TPO: variants seen among roughly 807,000 people sequenced by gnomAD.
The protein encoded by TPO is thyroid peroxidase.
A neutral mutation model predicts 96.9 loss-of-function variants in TPO; 78 were observed. The observed-to-expected ratio is 0.81, with a 90% CI of 0.67 to 0.97. The LOEUF is 0.97. TPO is among the 50% of genes least tolerant of loss of function. The pLI is 0.00. For synonymous variants in TPO, 547 were observed against 538.0 expected (o/e 1.02, Z -0.23); for missense variants, 1,252 against 1,274.8 (o/e 0.98, Z 0.27).
At chr2:1,510,306 C>G (rs1174891340) in intron 14 of TPO, among the ~76,000 whole-genome samples, 1 of 152,218 alleles carries the variant, frequency 6.6e-6, no homozygotes, top group African/African-American at 2.4e-5. Flanking sequence ...ATTCAGAACC[C>G]TGCTCAGGTG....
chr2:1,516,638 A>T (rs1050122093), intron 14 of TPO, among the ~76,000 whole-genome samples: 1 of 152,186 alleles, frequency 6.6e-6, no homozygotes, highest in Admixed American at 6.5e-5. Flanking sequence ...GTGAGGTTCC[A>T]TAGAGAGAGC....
chr2:1,484,064 A>C (rs1670888415), intron 8 of TPO, among the ~76,000 whole-genome samples: 2 of 152,306 alleles, frequency 1.3e-5, no homozygotes, highest in Non-Finnish European at 2.9e-5. Flanking sequence ...TGAAAGAAAC[A>C]CTGTTAAACC....
At chr2:1,519,979 G>A (rs2048727) in intron 15 of TPO, among the ~76,000 whole-genome samples, 49,456 of 152,020 alleles carry the variant, frequency 0.33, 8,312 homozygotes, top group South Asian at 0.38. Flanking sequence ...CTAAAAATAC[G>A]CTACCAAGCA....
At chr2:1,504,567 G>A (rs971216635) in intron 14 of TPO, among the ~76,000 whole-genome samples, 76 of 152,318 alleles carry the variant, frequency 5.0e-4, no homozygotes, top group Middle Eastern at 3.4e-3. Context: ...CATCTGCCTC[G>A]GATGGCCTTG....
rs114048133 is a variant in TPO at position 1,474,049 on chromosome 2, C to A, written c.820-3037C>A. On this transcript the variant is annotated intron_variant, in intron 7 of 16. Transcript: ENST00000329066. ...GGTCTAACTGAGATAGTACTAAGTACCAACAATGATAGCGGGAGTTTCTGC... is the reference window on the plus strand; with the variant it reads ...GGTCTAACTGAGATAGTACTAAGTAACAACAATGATAGCGGGAGTTTCTGC... Among the ~76,000 whole-genome samples, 753 of 152,230 alleles carry A rather than the reference C, an allele frequency of 4.9e-3. 11 individuals are homozygous for A. Among genetic ancestry groups the A allele is most frequent in the African/African-American group, 0.017 (692 of 41,532 alleles).
intron 5 of TPO, among the ~76,000 whole-genome samples, chr2:1,447,882 TATG>T (rs1666964302): frequency 6.6e-6 from 1 of 152,140 alleles, no homozygotes; most frequent in Non-Finnish European, 1.5e-5. Flanking sequence ...TGTATACAAT[TATG>T]AGAGAGAGGG....
chr2:1,461,674 GCA>G (rs1668446882), intron 7 of TPO, among the ~76,000 whole-genome samples: 2 of 152,050 alleles, frequency 1.3e-5, no homozygotes, highest in Admixed American at 1.3e-4. Flanking sequence ...ACGCCCTTGT[GCA>G]CACACACGCA....
In TPO at chr2:1,415,659, C is replaced by A. The variant is rs150192433; in HGVS notation, c.94+1157C>A. ...GTCCCGGAGCCCCTGGAGCAGGTGA[C>A]ACCTTGCCGGGCAGGTCCCTGGGTC... On this transcript the variant is annotated intron_variant, in intron 2 of 16. Transcript: ENST00000329066. 6.4e-3 allele frequency among the ~76,000 whole-genome samples: 964 copies of A among 151,766 alleles called. 10 individuals carry two copies. The highest frequency in any genetic ancestry group is 0.022 in the African/African-American group (911 of 41,216).
At chr2:1,450,346 A>G (rs1667197794) in intron 5 of TPO, among the ~76,000 whole-genome samples, 1 of 152,172 alleles carries the variant, frequency 6.6e-6, no homozygotes. Context: ...CAGAAATCAC[A>G]AAGTCTCCAG....
chr2:1,388,860 C>T (rs553376152), intron 1 of TPO, among the ~76,000 whole-genome samples: 44 of 152,194 alleles, frequency 2.9e-4, no homozygotes, highest in African/African-American at 9.2e-4. Flanking sequence ...AACTGCCCGA[C>T]GTTAATCATC....
At chr2:1,390,158 A>AT (rs1661978375) in intron 1 of TPO, among the ~76,000 whole-genome samples, 1 of 128,772 alleles carries the variant, frequency 7.8e-6, no homozygotes, top group Admixed American at 6.9e-5. Flanking sequence ...TCCTAATGCT[A>AT]TCCCCCCCCA....
chr2:1,489,967 G>A (rs1021325620), intron 10 of TPO, among the ~76,000 whole-genome samples: 7 of 115,024 alleles, frequency 6.1e-5, no homozygotes, highest in Non-Finnish European at 9.9e-5. Context: ...GAGCCGCCAC[G>A]TGGGTCCCAC....
intron 13 of TPO, among the ~76,000 whole-genome samples, chr2:1,502,136 A>G (rs1672931671): frequency 6.6e-6 from 1 of 152,080 alleles, no homozygotes; most frequent in South Asian, 2.1e-4. Context: ...CACGATCATG[A>G]TGGAAACACT....
chr2:1,485,675 C>A (rs1366211651), intron 9 of TPO, among the ~76,000 whole-genome samples: 1 of 151,792 alleles, frequency 6.6e-6, no homozygotes, highest in African/African-American at 2.4e-5. Flanking sequence ...AACATTTTTT[C>A]ATGTGTCTGT....
chr2:1,458,797 T>C (rs1291663259), intron 7 of TPO, among the ~76,000 whole-genome samples: 1 of 152,236 alleles, frequency 6.6e-6, no homozygotes, highest in African/African-American at 2.4e-5. Flanking sequence ...AGAAATGTAA[T>C]TGTTTACAAC....
In TPO at chr2:1,477,579, G is replaced by T; in HGVS notation, c.1313G>T (p.Arg438Leu). ...GCGGACGCCGTGTACCAGGAGGCGCGCAAGGTCGTGGGCGCTCTGCACCAG... is the reference window on the plus strand; with the variant it reads ...GCGGACGCCGTGTACCAGGAGGCGCTCAAGGTCGTGGGCGCTCTGCACCAG... ...WSADAVYQEA[R>L]KVVGALHQII... is the part of the protein sequence containing the mutation. The change falls in exon 8 of 17, where the codon CGC (arginine) becomes CTC (leucine). Residue 438 changes from arginine (R) to leucine (L), a missense_variant. Physicochemically the swap from Arg to Leu is moderately radical, Grantham distance 102 (BLOSUM62 -2). Coordinates refer to ENST00000329066, the MANE Select transcript of TPO (RefSeq NM_001206744.2). 3 of 1,536,424 alleles carry T rather than the reference G, an allele frequency of 2.0e-6. No individual in the cohort carries two copies. Among genetic ancestry groups the T allele is most frequent in the East Asian group, 2.4e-5 (1 of 41,146 alleles).
At chr2:1,432,796 T>TGAGGCCTGCAGGTGAGGA (rs1395356859) in intron 3 of TPO, among the ~76,000 whole-genome samples, 14 of 56,554 alleles carry the variant, frequency 2.5e-4, no homozygotes, top group East Asian at 9.9e-4. Context: ...GCAGGTGGGG[T>TGAGGCCTGCAGGTGAGGA]GAGGCCTGCA....
intron 1 of TPO, among the ~76,000 whole-genome samples, chr2:1,376,676 C>T (rs1398702938): frequency 6.6e-6 from 1 of 152,168 alleles, no homozygotes; most frequent in East Asian, 1.9e-4. Context: ...CTCCACCTCC[C>T]AGACCCATGA....
chr2:1,532,947 TCCTCAAA>T (rs1678657510), intron 15 of TPO, among the ~76,000 whole-genome samples: 1 of 104,140 alleles, frequency 9.6e-6, no homozygotes. Context: ...ATGTGCAACC[TCCTCAAA>T]TCCCCCCACT....
Sources: gnomAD v4.1 joint callset for allele counts (sites outside exome capture counted in the v4.1 genomes callset) on GRCh38, gnomAD v4.1.1 for gene constraint, MANE v1.5 for transcripts, NCBI Gene and HGNC (gene_info 2026-07-23, HGNC 2026-07-21) for gene names.